Variants in ZMYND11 observed in about 807,000 individuals in gnomAD.
ZMYND11 encodes zinc finger MYND-type containing 11, also known as zinc finger MYND domain-containing protein 11.
A neutral mutation model predicts 84.9 loss-of-function variants in ZMYND11; 9 were observed. The observed-to-expected ratio is 0.11, with a 90% confidence interval of 0.06 to 0.18. The LOEUF (loss-of-function observed/expected upper bound fraction) is 0.18. Ranked by LOEUF, ZMYND11 falls within the 10% of genes least tolerant of loss-of-function variation. The pLI, the probability that ZMYND11 is intolerant of heterozygous loss-of-function variation, is 1.00. For synonymous variants in ZMYND11, 250 were observed against 244.1 expected (o/e 1.02, Z -0.23); for missense variants, 409 against 761.0 (o/e 0.54, Z 5.44).
intron 1 of ZMYND11, among the ~76,000 whole-genome samples, chr10:172,538 C>A (rs1168226856): frequency 6.6e-6 from 1 of 152,086 alleles, no homozygotes; most frequent in Non-Finnish European, 1.5e-5. Flanking sequence ...AGGTAGAAAT[C>A]TAATAAATTG....
intron 4 of ZMYND11, among the ~76,000 whole-genome samples, chr10:231,852 C>T (rs1467749077): frequency 2.0e-5 from 3 of 152,172 alleles, no homozygotes; most frequent in African/African-American, 4.8e-5. Flanking sequence ...TTCAGACATG[C>T]GATTACCGTC....
intron 3 of ZMYND11, among the ~76,000 whole-genome samples, chr10:215,241 C>T (rs1945975008): frequency 6.6e-6 from 1 of 152,030 alleles, no homozygotes; most frequent in African/African-American, 2.4e-5. Context: ...TACTTACCTA[C>T]CAGGTTTGGT....
At chr10:192,038 T>C (rs966212580) in intron 2 of ZMYND11, among the ~76,000 whole-genome samples, 2 of 152,216 alleles carry the variant, frequency 1.3e-5, no homozygotes, top group African/African-American at 4.8e-5. Flanking sequence ...TTCATAGATA[T>C]GCAAATCGAG....
intron 2 of ZMYND11, among the ~76,000 whole-genome samples, chr10:181,399 G>T (rs889351691): frequency 5.3e-5 from 8 of 152,270 alleles, no homozygotes; most frequent in African/African-American, 1.9e-4. Context: ...CTGGTGGATC[G>T]CCTGAGCTCA....
In ZMYND11 at chr10:248,514, A is replaced by G. The variant is rs1185133446; in HGVS notation, c.1406A>G (p.Asp469Gly). The G allele has an allele frequency of 6.2e-7, 1 of 1,614,186 alleles. No individual in the cohort carries two copies. ...GGCGTGTGTCAGAGCATGTGCCATG[A>G]CAAATACACCAAGATCTTCAATGAC... ...NDGVCQSMCH[D>G]KYTKIFNDFK... The change falls in exon 13 of 15, where the codon GAC becomes GGC. Residue 469 changes from aspartate to glycine, a missense_variant. Physicochemically the swap from Asp to Gly is moderately conservative, Grantham distance 94 (BLOSUM62 -1). Around this residue, in one of 7 missense-constraint regions of ZMYND11, gnomAD observed 141 missense variants for 173.8 expected, o/e 0.81. Coordinates refer to ENST00000381604, the MANE Select transcript of ZMYND11 (RefSeq NM_001370100.5).
At chr10:247,792 A>ACAACACATTTATCC (rs1952466299) in intron 12 of ZMYND11, among the ~76,000 whole-genome samples, 1 of 152,228 alleles carries the variant, frequency 6.6e-6, no homozygotes, top group African/African-American at 2.4e-5. Flanking sequence ...ATGATTAAAA[A>ACAACACATTTATCC]CAACACATTT....
intron 1 of ZMYND11, among the ~76,000 whole-genome samples, chr10:175,389 G>A (rs1554766712): frequency 6.6e-6 from 1 of 152,106 alleles, no homozygotes; most frequent in African/African-American, 2.4e-5. Context: ...CCAACATGGC[G>A]AAACCCCATC....
Position 198,382 on chromosome 10 carries a change from A to AT in ZMYND11, c.117-11502dup, listed in dbSNP as rs1260377838. ...ATTTGGGGTAATCATAATGGAGAAC[A>AT]TTTTTAAAAAAAAAGTATAATACCT... On this transcript the variant is annotated intron_variant, in intron 2 of 14. Coordinates refer to ENST00000381604, the MANE Select transcript of ZMYND11 (RefSeq NM_001370100.5). Among the ~76,000 whole-genome samples the AT allele has an allele frequency of 1.6e-4, 25 of 152,236 alleles. 2 individuals are homozygous for AT. The highest frequency in any genetic ancestry group is 1.4e-3 in the Admixed American group (22 of 15,286).
At chr10:189,603 G>T (rs1235254548) in intron 2 of ZMYND11, among the ~76,000 whole-genome samples, 2 of 152,164 alleles carry the variant, frequency 1.3e-5, no homozygotes, top group African/African-American at 2.4e-5. Flanking sequence ...TACAGAAGAA[G>T]TAACTGATTC....
intron 1 of ZMYND11, among the ~76,000 whole-genome samples, chr10:172,502 A>G (rs900236790): frequency 6.6e-6 from 1 of 152,212 alleles, no homozygotes; most frequent in African/African-American, 2.4e-5. Context: ...TATCATTTAC[A>G]TTAGTACCCC....
intron 1 of ZMYND11, among the ~76,000 whole-genome samples, chr10:173,083 A>G (rs1281217680): frequency 1.3e-5 from 2 of 152,146 alleles, no homozygotes; most frequent in Non-Finnish European, 2.9e-5. Flanking sequence ...TACATCCCTC[A>G]CAAAAATTAA....
In ZMYND11 at chr10:138,676, T is replaced by G. The variant is rs77788690; in HGVS notation, c.-20+3117T>G. Reference sequence around the variant, plus strand: ...AGCCCTAACCCTCTGGTATCAGATTTTTGGTAACTTTCTTGTCCTTCAGTT... The same window carrying G: ...AGCCCTAACCCTCTGGTATCAGATTGTTGGTAACTTTCTTGTCCTTCAGTT... On this transcript the variant is annotated intron_variant, in intron 1 of 14. Transcript: ENST00000381604. Among the ~76,000 whole-genome samples, 458 of 152,298 alleles carry G rather than the reference T, an allele frequency of 3.0e-3. No individual in the cohort carries two copies. The Middle Eastern group carries it at 0.031, about 10-fold the overall frequency.
intron 1 of ZMYND11, among the ~76,000 whole-genome samples, chr10:170,393 C>T (rs138376901): frequency 6.6e-5 from 10 of 150,772 alleles, no homozygotes; most frequent in South Asian, 2.1e-4. Flanking sequence ...ATAATTTTTT[C>T]GAAACAATAA....
At chr10:228,920 G>C (rs1210906729) in intron 4 of ZMYND11, among the ~76,000 whole-genome samples, 1 of 152,186 alleles carries the variant, frequency 6.6e-6, no homozygotes, top group Non-Finnish European at 1.5e-5. Context: ...TCTCTCTGTA[G>C]ATAAATACTA....
At chr10:145,148 ATATAT>A (rs1838450320) in intron 1 of ZMYND11, among the ~76,000 whole-genome samples, 1 of 150,366 alleles carries the variant, frequency 6.7e-6, no homozygotes, top group South Asian at 2.1e-4. Flanking sequence ...ATATATGTGT[ATATAT>A]ATATGTGTGT....
rs550258889 is a variant in ZMYND11, at chr10:251,179, AG to A, written c.1687-1166del. Among the ~76,000 whole-genome samples the A allele has an allele frequency of 7.2e-4, 109 of 152,330 alleles. 1 individual carries two copies. Among genetic ancestry groups the A allele is most frequent in the African/African-American group, 2.5e-3 (103 of 41,588 alleles). ...GTATCCATTAAATATATCCCCAGAA[AG>A]GGAGAAATTGAAAACGAAATAATAG... is the stretch of plus-strand genomic sequence containing the variant. On this transcript the variant is annotated intron_variant, in intron 14 of 14. Coordinates refer to ENST00000381604, the MANE Select transcript of ZMYND11 (RefSeq NM_001370100.5).
intron 2 of ZMYND11, among the ~76,000 whole-genome samples, chr10:195,325 A>G (rs770909697): frequency 4.9e-4 from 75 of 152,352 alleles, no homozygotes; most frequent in Non-Finnish European, 9.4e-4. Context: ...AAGAACGAAT[A>G]ATGAGCAAAG....
intron 1 of ZMYND11, among the ~76,000 whole-genome samples, chr10:164,325 CAT>C (rs1843530282): frequency 6.6e-6 from 1 of 152,122 alleles, no homozygotes; most frequent in South Asian, 2.1e-4. Flanking sequence ...AGTCTTTCCT[CAT>C]GTGTAATCTC....
At chr10:157,539 CAATG>C (rs1307373934) in intron 1 of ZMYND11, among the ~76,000 whole-genome samples, 1 of 152,016 alleles carries the variant, frequency 6.6e-6, no homozygotes, top group Non-Finnish European at 1.5e-5. Flanking sequence ...ACAGTAATGA[CAATG>C]AAAGCACACG....
Sources: gnomAD v4.1 joint callset for allele counts (sites outside exome capture counted in the v4.1 genomes callset) on GRCh38, gnomAD v4.1.1 for gene constraint, gnomAD v4.1.1 regional missense constraint, MANE v1.5 for transcripts, NCBI Gene and HGNC (gene_info 2026-07-23, HGNC 2026-07-21) for gene names.